Variants in ZBBX observed in about 807,000 individuals in gnomAD.
ZBBX encodes the protein zinc finger B-box domain-containing protein 1.
A neutral mutation model predicts 108.5 loss-of-function variants in ZBBX; 101 were observed. The ratio of observed to expected loss-of-function variants is 0.93; its 90% CI spans 0.79 to 1.10. ZBBX has a LOEUF of 1.10. Among genes scored for constraint, ZBBX ranks in the 50% least tolerant of loss-of-function variants. The pLI is 0.00. For synonymous variants in ZBBX, 356 were observed against 323.4 expected (o/e 1.10, Z -1.08); for missense variants, 1,009 against 941.4 (o/e 1.07, Z -0.94).
intron 11 of ZBBX, among the ~76,000 whole-genome samples, chr3:167,325,134 A>C (rs560169504): frequency 6.6e-6 from 1 of 152,130 alleles, no homozygotes; most frequent in Non-Finnish European, 1.5e-5. Flanking sequence ...GTCTTCTTCT[A>C]CTTGCTTTCC....
At chr3:167,378,312 C>G (rs909387573) in intron 2 of ZBBX, among the ~76,000 whole-genome samples, 2 of 152,156 alleles carry the variant, frequency 1.3e-5, no homozygotes, top group African/African-American at 4.8e-5. Context: ...TAGGCAGGTT[C>G]TCTTGAGAAC....
intron 20 of ZBBX, among the ~76,000 whole-genome samples, chr3:167,261,950 C>T (rs1439466556): frequency 6.6e-6 from 1 of 152,080 alleles, no homozygotes; most frequent in Non-Finnish European, 1.5e-5. Context: ...TAGTTTTACC[C>T]CTTGCTCTTT....
At chr3:167,399,812 T>C (rs544051932) in intron 1 of ZBBX, among the ~76,000 whole-genome samples, 1 of 152,220 alleles carries the variant, frequency 6.6e-6, no homozygotes, top group South Asian at 2.1e-4. Context: ...ATCACCCAGG[T>C]AGTGAACATA....
In ZBBX at chr3:167,298,390, A is replaced by G. The variant is rs756228254; in HGVS notation, c.1794T>C (p.Phe598=). 1 of 1,598,612 alleles carries G rather than the reference A, an allele frequency of 6.3e-7. No individual in the cohort carries two copies. Among genetic ancestry groups the G allele is most frequent in the Non-Finnish European group, 8.5e-7 (1 of 1,170,728 alleles). Residue 598 remains phenylalanine (F), a synonymous_variant, in exon 18 of 22, where the codon TTT becomes TTC. Transcript: ENST00000675490. ...TGAGTCTTTCATTTGTATCAAAAATAAAGAATCTCTCAAGTCCTTGATATT... is the reference window on the plus strand; with the variant it reads ...TGAGTCTTTCATTTGTATCAAAAATGAAGAATCTCTCAAGTCCTTGATATT... The part of the protein sequence containing the change: ...TKQYQGLERF[F]IFDTNERLNL...
chr3:167,333,359 ATGT>A (rs1161469415), intron 10 of ZBBX, among the ~76,000 whole-genome samples: 2 of 152,160 alleles, frequency 1.3e-5, no homozygotes, highest in Non-Finnish European at 2.9e-5. Context: ...CTTATCTAGC[ATGT>A]TGTCAGATCA....
intron 9 of ZBBX, among the ~76,000 whole-genome samples, chr3:167,335,343 A>G (rs1739376636): frequency 6.6e-6 from 1 of 152,184 alleles, no homozygotes; most frequent in South Asian, 2.1e-4. Context: ...AGAGTGACTG[A>G]CAAAGAACTG....
At chr3:167,211,621 C>T in the ZBBX span, among the ~76,000 whole-genome samples, 1 of 152,128 alleles carries the variant, frequency 6.6e-6, no homozygotes, top group African/African-American at 2.4e-5. Context: ...GTTTGGGTAC[C>T]TGAACCATTC....
At chr3:167,395,438 A>G (rs1188876232) in intron 1 of ZBBX, among the ~76,000 whole-genome samples, 1 of 152,010 alleles carries the variant, frequency 6.6e-6, no homozygotes, top group African/African-American at 2.4e-5. Flanking sequence ...TTAGAAAAGC[A>G]GCCTAGTACC....
intron 18 of ZBBX, among the ~76,000 whole-genome samples, chr3:167,293,361 T>C (rs185668215): frequency 6.6e-6 from 1 of 152,312 alleles, no homozygotes; most frequent in East Asian, 1.9e-4. Context: ...TCAAGTCGGC[T>C]TCATCCCTGG....
At chr3:167,274,488 G>T (rs978202944) in intron 20 of ZBBX, among the ~76,000 whole-genome samples, 42 of 152,166 alleles carry the variant, frequency 2.8e-4, no homozygotes, top group Admixed American at 6.5e-4. Context: ...GAAGAGAAAA[G>T]ATTATAAAAA....
intron 20 of ZBBX, among the ~76,000 whole-genome samples, chr3:167,253,276 GGAAA>G (rs766434911): frequency 1.8e-4 from 27 of 152,108 alleles, no homozygotes; most frequent in East Asian, 1.2e-3. Context: ...ATGAAGAATA[GGAAA>G]GAGACAGTCA....
intron 9 of ZBBX, among the ~76,000 whole-genome samples, chr3:167,345,998 G>A (rs1228252392): frequency 1.3e-5 from 2 of 151,742 alleles, no homozygotes; most frequent in African/African-American, 2.4e-5. Context: ...CCTTGTGCAT[G>A]TCATACTTCA....
the ZBBX span, among the ~76,000 whole-genome samples, chr3:167,196,725 G>A: frequency 6.6e-6 from 1 of 152,038 alleles, no homozygotes; most frequent in South Asian, 2.1e-4. Flanking sequence ...TAGGGTATTA[G>A]GATTTCAGGC....
intron 21 of ZBBX, 68 bp from the exon 22 acceptor site, chr3:167,240,987 G>A: frequency 2.6e-6 from 4 of 1,563,612 alleles, no homozygotes; most frequent in Admixed American, 1.7e-5. Context: ...TTTATCTTCT[G>A]ATCAATACTA....
intron 1 of ZBBX, among the ~76,000 whole-genome samples, chr3:167,394,996 A>T (rs1748184668): frequency 6.6e-6 from 1 of 152,048 alleles, no homozygotes; most frequent in Non-Finnish European, 1.5e-5. Context: ...CCATGGAAGG[A>T]AATAGAGGCA....
intron 1 of ZBBX, among the ~76,000 whole-genome samples, chr3:167,405,107 T>C (rs913693310): frequency 1.3e-5 from 2 of 152,178 alleles, no homozygotes; most frequent in African/African-American, 4.8e-5. Context: ...AAGAAGCACA[T>C]CTGAGAGGAA....
the ZBBX span, among the ~76,000 whole-genome samples, chr3:167,203,479 G>C: frequency 6.6e-6 from 1 of 152,234 alleles, no homozygotes; most frequent in East Asian, 1.9e-4. Flanking sequence ...CTGTGTGTAT[G>C]TGTACGTATG....
At chr3:167,386,599 C>G (rs1425477305) in intron 1 of ZBBX, among the ~76,000 whole-genome samples, 1 of 151,944 alleles carries the variant, frequency 6.6e-6, no homozygotes, top group South Asian at 2.1e-4. Context: ...TTTTTAATCA[C>G]TTAAGTTTCT....
At chr3:167,225,032 A>G in the ZBBX span, among the ~76,000 whole-genome samples, 9 of 151,926 alleles carry the variant, frequency 5.9e-5, no homozygotes, top group African/African-American at 2.2e-4. Flanking sequence ...CCACAATTGC[A>G]ACTTAGCAGG....
Sources: gnomAD v4.1 joint callset for allele counts (sites outside exome capture counted in the v4.1 genomes callset) on GRCh38, gnomAD v4.1.1 for gene constraint, MANE v1.5 for transcripts, NCBI Gene and HGNC (gene_info 2026-07-23, HGNC 2026-07-21) for gene names.